The following LOXHD1 variants were observed in gnomAD, a reference collection of about 807,000 sequenced individuals.
LOXHD1 encodes the protein lipoxygenase homology domain-containing protein 1.
Under a neutral mutation model 248.2 loss-of-function variants are expected in LOXHD1, and 205 were observed. The observed-to-expected ratio is 0.83, with a 90% CI of 0.74 to 0.93. The LOEUF is 0.93. Among genes scored for constraint, LOXHD1 ranks in the 40% least tolerant of loss-of-function variants. The probability of loss-of-function intolerance (pLI) is 0.00; values close to 1 mark genes in which losing one functional copy is unlikely to be tolerated. For missense variants in LOXHD1, 2,930 were observed against 2,971.6 expected, an observed-to-expected ratio of 0.99 and a Z score of 0.33; for synonymous variants, 1,113 against 1,162.8, an observed-to-expected ratio of 0.96 and a Z score of 0.87.
chr18:46,496,125 T>C (rs751414932), intron 37 of LOXHD1, among the ~76,000 whole-genome samples: 1 of 152,074 alleles, frequency 6.6e-6, no homozygotes, highest in Non-Finnish European at 1.5e-5. Flanking sequence ...AAAGAAAAAA[T>C]TTTAAAAGGT....
At chr18:46,593,820 C>A in intron 9 of LOXHD1, 60 bp from the exon 10 acceptor site, 1 of 1,530,696 alleles carries the variant, frequency 6.5e-7, no homozygotes, top group Non-Finnish European at 8.9e-7. Context: ...TTCATATTAC[C>A]ATGGGGAAGA....
intron 4 of LOXHD1, among the ~76,000 whole-genome samples, chr18:46,639,089 A>T (rs2038929689): frequency 6.6e-6 from 1 of 152,112 alleles, no homozygotes; most frequent in Non-Finnish European, 1.5e-5. Flanking sequence ...AAATGATCGA[A>T]TTTAAGGCCT....
chr18:46,488,557 G>C (rs868116248), intron 38 of LOXHD1, among the ~76,000 whole-genome samples: 1 of 152,178 alleles, frequency 6.6e-6, no homozygotes, highest in Non-Finnish European at 1.5e-5. Context: ...CCCTGAGGAA[G>C]GGACAAAAGG....
At chr18:46,533,117 C>T (rs760135040) in intron 28 of LOXHD1, 45 bp downstream of exon 28, 3 of 1,547,034 alleles carry the variant, frequency 1.9e-6, no homozygotes, top group Non-Finnish European at 2.6e-6. Flanking sequence ...GGACCAGGGT[C>T]CTGGAGCCTT....
At chr18:46,610,714 T>G in intron 6 of LOXHD1, 62 bp downstream of exon 6, 1 of 1,487,650 alleles carries the variant, frequency 6.7e-7, no homozygotes, top group Non-Finnish European at 8.9e-7. Context: ...TACAACCCTC[T>G]GAAGAACAAG....
intron 4 of LOXHD1, among the ~76,000 whole-genome samples, chr18:46,626,089 A>G (rs2038738507): frequency 6.6e-6 from 1 of 152,204 alleles, no homozygotes; most frequent in Non-Finnish European, 1.5e-5. Context: ...CCTATGCATT[A>G]GTTTATACTA....
At chr18:46,534,875 T>A (rs1367480515) in intron 26 of LOXHD1, among the ~76,000 whole-genome samples, 1 of 152,180 alleles carries the variant, frequency 6.6e-6, no homozygotes, top group East Asian at 1.9e-4. Context: ...TCCCCCACCT[T>A]CCAGCCACTC....
intron 1 of LOXHD1, among the ~76,000 whole-genome samples, chr18:46,652,089 T>C (rs1441883680): frequency 6.6e-6 from 1 of 152,246 alleles, no homozygotes; most frequent in African/African-American, 2.4e-5. Flanking sequence ...ACAATACAGA[T>C]GACTCTCAAG....
chr18:46,617,779 C>T (rs2038609665), intron 5 of LOXHD1, among the ~76,000 whole-genome samples: 21 of 152,162 alleles, frequency 1.4e-4, no homozygotes. Context: ...TATTCCCAGC[C>T]TCATTCTGTT....
rs35449699 is a variant in LOXHD1 at position 46,538,245 on chromosome 18, CG to C, written c.4005del (p.Val1336CysfsTer29). ...NIFIIIYGCD[A>X]VCTQQKYLCT... ...CACAGATACTTCTGCTGGGTGCACACGGCATCGCAGCCATAGATGATGATGA... is the reference window on the plus strand; with the variant it reads ...CACAGATACTTCTGCTGGGTGCACACGCATCGCAGCCATAGATGATGATGA... On this transcript the variant is annotated frameshift_variant, in exon 26 of 41. Transcript: ENST00000642948. LOFTEE classifies it high-confidence loss of function. The C allele has an allele frequency of 6.4e-7, 1 of 1,551,298 alleles. No individual in the cohort carries two copies. Among genetic ancestry groups the C allele is most frequent in the South Asian group, 1.2e-5 (1 of 84,056 alleles).
chr18:46,560,852 A>ACGCGCG (rs34336210), intron 18 of LOXHD1, among the ~76,000 whole-genome samples: 1 of 151,374 alleles, frequency 6.6e-6, no homozygotes, highest in African/African-American at 2.4e-5. Flanking sequence ...ACACACACGC[A>ACGCGCG]CGCGCGCGCG....
Position 46,529,257 on chromosome 18 carries a change from T to C in LOXHD1, c.4450A>G (p.Ile1484Val), listed in dbSNP as rs1384140671. Residue 1484 changes from isoleucine (I) to valine (V), a missense_variant, in exon 29 of 41, where the codon ATC becomes GTC. Transcript: ENST00000642948. The part of the protein sequence containing the change: ...AGTDAKVYIT[I>V]YGDLGDTGER... Reference sequence around the variant, plus strand: ...CCAGTGTCCCCGAGGTCTCCATAGATGGTGATGTACACCTTGGCATCCGTC... The same window carrying C: ...CCAGTGTCCCCGAGGTCTCCATAGACGGTGATGTACACCTTGGCATCCGTC... 3 of 1,551,776 alleles carry C rather than the reference T, an allele frequency of 1.9e-6. No individual in the cohort carries two copies. The highest frequency in any genetic ancestry group is 1.2e-5 in the South Asian group (1 of 84,052).
At chr18:46,620,338 G>T (rs2038650904) in intron 4 of LOXHD1, among the ~76,000 whole-genome samples, 1 of 152,172 alleles carries the variant, frequency 6.6e-6, no homozygotes, top group Non-Finnish European at 1.5e-5. Flanking sequence ...CCCCTTGTCT[G>T]GTGAAGCCAG....
At position 46,592,388 on chromosome 18, in the gene LOXHD1, C is replaced by T. The variant is rs924591953; in HGVS notation, c.1518+110G>A. ...AGGTCTCACCATAACCCTTTTCAGTCCCTATTCACAATAAATACAGAGGCA... is the reference window on the plus strand; with the variant it reads ...AGGTCTCACCATAACCCTTTTCAGTTCCTATTCACAATAAATACAGAGGCA... On this transcript the variant is annotated intron_variant, in intron 11 of 40. Coordinates refer to ENST00000642948, the MANE Select transcript of LOXHD1 (RefSeq NM_001384474.1). The T allele has an allele frequency of 6.6e-6, 6 of 915,802 alleles. No individual in the cohort carries two copies. In the African/African-American group the frequency reaches 8.4e-5, roughly 13 times the overall value. The allele number at this position is 915,802 out of a possible 1,614,324, so 56.7% of individuals were successfully genotyped here.
chr18:46,643,734 A>G (rs16939873), intron 2 of LOXHD1, among the ~76,000 whole-genome samples: 16,709 of 152,252 alleles, frequency 0.11, 993 homozygotes, highest in Middle Eastern at 0.18. Context: ...AAGGCAAGTG[A>G]TCTTTAGAAT....
intron 40 of LOXHD1, among the ~76,000 whole-genome samples, chr18:46,479,275 C>T (rs1023847009): frequency 1.3e-4 from 16 of 119,438 alleles, no homozygotes; most frequent in Non-Finnish European, 7.6e-5. Flanking sequence ...TGTTCATGGA[C>T]TGCAGAGTAC....
intron 4 of LOXHD1, among the ~76,000 whole-genome samples, chr18:46,636,238 G>C (rs1424111955): frequency 6.6e-6 from 1 of 152,142 alleles, no homozygotes. Context: ...TTAGAGGTTG[G>C]GTACTTCCCC....
At chr18:46,531,476 C>G (rs1302370440) in intron 28 of LOXHD1, among the ~76,000 whole-genome samples, 2 of 152,148 alleles carry the variant, frequency 1.3e-5, no homozygotes, top group East Asian at 3.9e-4. Flanking sequence ...GAGCTAATCA[C>G]AGGTGGCATG....
intron 34 of LOXHD1, among the ~76,000 whole-genome samples, chr18:46,511,120 C>A (rs1295287829): frequency 6.6e-6 from 1 of 152,154 alleles, no homozygotes; most frequent in East Asian, 1.9e-4. Context: ...GGAGGAGAAA[C>A]AAGCTTTTCT....
Sources: allele counts gnomAD v4.1 joint callset (sites outside exome capture counted in the v4.1 genomes callset), GRCh38; gene constraint gnomAD v4.1.1; transcripts MANE v1.5; gene names NCBI Gene and HGNC (gene_info 2026-07-23, HGNC 2026-07-21).